Variants in USP39 observed in about 807,000 individuals in gnomAD.
USP39 encodes ubiquitin specific peptidase 39.
In USP39, 38 loss-of-function variants were observed where a neutral mutation model predicts 66.4. The ratio of observed to expected loss-of-function variants is 0.57; its 90% CI spans 0.44 to 0.75. The LOEUF (loss-of-function observed/expected upper bound fraction) is 0.75, where lower values mean the gene tolerates loss of function less well. Among genes scored for constraint, USP39 ranks in the 30% least tolerant of loss-of-function variants. The pLI is 0.00. For missense variants in USP39, 608 were observed against 714.4 expected, an observed-to-expected ratio of 0.85 and a Z score of 1.70; for synonymous variants, 303 against 274.6, an observed-to-expected ratio of 1.10 and a Z score of -1.02.
upstream of USP39, among the ~76,000 whole-genome samples, chr2:85,615,686 A>G (rs1673870918): frequency 6.6e-6 from 1 of 152,132 alleles, no homozygotes; most frequent in African/African-American, 2.4e-5. Flanking sequence ...GCTGGAGTGC[A>G]ATGGCGCGAT....
upstream of USP39, chr2:85,611,897 G>A (rs749503791): frequency 6.3e-7 from 1 of 1,595,266 alleles, no homozygotes; most frequent in Admixed American, 1.7e-5. Context: ...TGGTTCCGTC[G>A]GATATGGTGC....
At chr2:85,647,861 T>C (rs1676769000) in intron 11 of USP39, 69 bp from the exon 12 acceptor site, 1 of 1,466,026 alleles carries the variant, frequency 6.8e-7, no homozygotes, top group Non-Finnish European at 9.5e-7. Flanking sequence ...GTCTTGGCTA[T>C]GATCCTTTCC....
intron 6 of USP39, among the ~76,000 whole-genome samples, chr2:85,635,358 G>A (rs1477283576): frequency 2.0e-5 from 3 of 152,122 alleles, no homozygotes; most frequent in Non-Finnish European, 4.4e-5. Context: ...TCAAGAGTTC[G>A]AGACCGGCCT....
At chr2:85,612,074 T>C, upstream of USP39, 1 of 1,087,698 alleles carries the variant, frequency 9.2e-7, no homozygotes, top group Non-Finnish European at 1.3e-6. Flanking sequence ...CTTGCTCAGC[T>C]TCCGGCCCCG....
chr2:85,608,818 A>T (rs989708089), upstream of USP39: 65 of 1,313,504 alleles, frequency 4.9e-5, no homozygotes, highest in Admixed American at 7.5e-4. Flanking sequence ...GCAACACCCT[A>T]TGGATGCAGC....
chr2:85,638,477 A>G (rs1675963473), intron 8 of USP39, among the ~76,000 whole-genome samples: 1 of 152,008 alleles, frequency 6.6e-6, no homozygotes, highest in South Asian at 2.1e-4. Flanking sequence ...GGGACCATAG[A>G]TACACACCAC....
intron 1 of USP39, among the ~76,000 whole-genome samples, chr2:85,605,031 T>C (rs1673167033): frequency 6.6e-6 from 1 of 152,218 alleles, no homozygotes; most frequent in African/African-American, 2.4e-5. Flanking sequence ...TTGTGTATCA[T>C]GTAAGAAGTA....
At chr2:85,624,961 C>CT (rs1674734362) in intron 4 of USP39, among the ~76,000 whole-genome samples, 1 of 103,312 alleles carries the variant, frequency 9.7e-6, no homozygotes, top group African/African-American at 5.9e-5. Context: ...AAAACTCCAT[C>CT]TAAAAAAAAA....
At position 85,623,628 on chromosome 2, in the gene USP39, T is replaced by C; in HGVS notation, c.434-18T>C. ...TAGTATCTGCCCTTCTATTACAGCT[T>C]TTCACCCTTCCCTACAGGCCGGGGT... On this transcript the variant is annotated intron_variant, in intron 3 of 12. Transcript: ENST00000323701. The C allele has an allele frequency of 6.2e-7, 1 of 1,609,134 alleles. No homozygotes were observed. Among genetic ancestry groups the C allele is most frequent in the Non-Finnish European group, 8.5e-7 (1 of 1,178,036 alleles).
chr2:85,629,316 C>T (rs1213447016), intron 5 of USP39, among the ~76,000 whole-genome samples: 1 of 151,914 alleles, frequency 6.6e-6, no homozygotes, highest in African/African-American at 2.4e-5. Flanking sequence ...CCACCTTGGC[C>T]TCCCAAAGTG....
chr2:85,611,491 T>C, upstream of USP39: 1 of 1,550,600 alleles, frequency 6.4e-7, no homozygotes, highest in Non-Finnish European at 8.7e-7. Flanking sequence ...TTATGAGTCG[T>C]CCCAGTTCTT....
In USP39 at chr2:85,648,820, A is replaced by C. The variant is rs774333971; in HGVS notation, c.*12A>C. 6.2e-7 allele frequency: 1 copy of C among 1,614,092 alleles called. No individual in the cohort carries two copies. Among genetic ancestry groups the C allele is most frequent in the East Asian group, 2.2e-5 (1 of 44,884 alleles). ...AGCAGGGGGCTTGAAGGAGGCGTCT[A>C]GGGCTTTGCTCCCAAGGGCTGTGGC... On this transcript the variant is annotated 3_prime_UTR_variant, in exon 13 of 13. Transcript: ENST00000323701.
intron 12 of USP39, among the ~76,000 whole-genome samples, chr2:85,648,430 C>T (rs184295284): frequency 6.6e-4 from 100 of 152,262 alleles, no homozygotes; most frequent in Non-Finnish European, 1.0e-3. Flanking sequence ...CCGGCCATAT[C>T]GCTTTGCCTG....
At chr2:85,645,241 C>T in intron 11 of USP39, 158 bp downstream of exon 11, 3 of 929,736 alleles carry the variant, frequency 3.2e-6, no homozygotes, top group Non-Finnish European at 3.1e-6. Context: ...GGCAGTGGTT[C>T]TCAATTTTGG....
intron 10 of USP39, among the ~76,000 whole-genome samples, chr2:85,643,230 C>T (rs1676378989): frequency 6.6e-6 from 1 of 152,096 alleles, no homozygotes; most frequent in African/African-American, 2.4e-5. Flanking sequence ...GTGGCTCACA[C>T]CTGTAATCCC....
At chr2:85,617,679 A>C (rs1188755244) in intron 1 of USP39, among the ~76,000 whole-genome samples, 1 of 152,210 alleles carries the variant, frequency 6.6e-6, no homozygotes, top group Non-Finnish European at 1.5e-5. Context: ...AGATTCTCTA[A>C]GCACGGGGTT....
intron 10 of USP39, among the ~76,000 whole-genome samples, chr2:85,642,863 G>A (rs1182819284): frequency 1.3e-5 from 2 of 152,038 alleles, no homozygotes; most frequent in Non-Finnish European, 2.9e-5. Flanking sequence ...AGATTTTTGA[G>A]GGCAGGTTTA....
Position 85,616,262 on chromosome 2 carries a change from G to T in USP39, c.67G>T (p.Gly23Cys). Reference sequence around the variant, plus strand: ...CGGGAAGCGAGAGTCTGAGTCGCGGGGCAGCTCCGGTCGCGTCAAGCGGGA... The same window carrying T: ...CGGGAAGCGAGAGTCTGAGTCGCGGTGCAGCTCCGGTCGCGTCAAGCGGGA... ...TRGKRESESR[G>C]SSGRVKRERD... The change falls in exon 1 of 13, where the codon GGC becomes TGC. Residue 23 changes from glycine to cysteine, a missense_variant. By Grantham distance (159) the Gly-to-Cys change is radical. Around this residue, in one of 6 missense-constraint regions of USP39, gnomAD observed 207 missense variants for 145.7 expected, o/e 1.42. Coordinates refer to ENST00000323701, the MANE Select transcript of USP39 (RefSeq NM_006590.4). 6.5e-7 allele frequency: 1 copy of T among 1,533,856 alleles called. No homozygotes were observed.
chr2:85,621,398 A>T (rs774924955), intron 2 of USP39, 87 bp from the exon 3 acceptor site: 3 of 1,100,968 alleles, frequency 2.7e-6, no homozygotes, highest in East Asian at 2.4e-5. Flanking sequence ...GTTATGTGGT[A>T]TCATGGGTCA....
Sources: gnomAD v4.1 joint callset for allele counts (sites outside exome capture counted in the v4.1 genomes callset) on GRCh38, gnomAD v4.1.1 for gene constraint, gnomAD v4.1.1 regional missense constraint, MANE v1.5 for transcripts, NCBI Gene and HGNC (gene_info 2026-07-23, HGNC 2026-07-21) for gene names.